Variants in COL6A6 observed in about 807,000 individuals in gnomAD.
COL6A6 encodes collagen alpha-6(VI) chain.
Under a neutral mutation model 208.6 loss-of-function variants are expected in COL6A6, and 183 were observed. The ratio of observed to expected loss-of-function variants is 0.88; its 90% CI spans 0.78 to 0.99. The LOEUF (loss-of-function observed/expected upper bound fraction) is 0.99. Among genes scored for constraint, COL6A6 ranks in the 50% least tolerant of loss-of-function variants. The pLI, the probability that COL6A6 is intolerant of heterozygous loss-of-function variation, is 0.00. For missense variants in COL6A6, 2,816 were observed against 2,815.2 expected, an observed-to-expected ratio of 1.00 and a Z score of -0.01; for synonymous variants, 973 against 1,011.8, an observed-to-expected ratio of 0.96 and a Z score of 0.73.
At chr3:130,641,359 G>A (rs533433775) in intron 28 of COL6A6, among the ~76,000 whole-genome samples, 1 of 152,200 alleles carries the variant, frequency 6.6e-6, no homozygotes, top group South Asian at 2.1e-4. Flanking sequence ...AGTTTAAAAG[G>A]TAACAGAGAA....
At chr3:130,587,754 G>A (rs2063575126) in intron 11 of COL6A6, among the ~76,000 whole-genome samples, 1 of 152,166 alleles carries the variant, frequency 6.6e-6, no homozygotes, top group African/African-American at 2.4e-5. Flanking sequence ...ATACACATAG[G>A]TATTTAAGCA....
In COL6A6 at chr3:130,563,064, G is replaced by T; in HGVS notation, c.65-4G>T. 1 of 1,594,050 alleles carries T rather than the reference G, an allele frequency of 6.3e-7. No homozygotes were observed. Among genetic ancestry groups the T allele is most frequent in the Non-Finnish European group, 8.6e-7 (1 of 1,168,692 alleles). ...GGTTCGTTCATATGTTTGTGGTTTT[G>T]CAGGCCCTGAGTATGCAGATGTTGT... On this transcript the variant is annotated splice_polypyrimidine_tract_variant and splice_region_variant and intron_variant, in intron 2 of 36. Transcript: ENST00000358511.
At chr3:130,546,098 G>A (rs1412204249) in intron 1 of COL6A6, among the ~76,000 whole-genome samples, 3 of 152,134 alleles carry the variant, frequency 2.0e-5, no homozygotes, top group Non-Finnish European at 1.5e-5. Flanking sequence ...GTCATGTTGT[G>A]TCCAAAATTC....
At position 130,574,354 on chromosome 3, in the gene COL6A6, A is replaced by G; in HGVS notation, c.3376A>G (p.Arg1126Gly). 6.2e-7 allele frequency: 1 copy of G among 1,614,028 alleles called. No individual in the cohort carries two copies. The highest frequency in any genetic ancestry group is 8.5e-7 in the Non-Finnish European group (1 of 1,179,900). ...GGTGGCCCAGGCCGCGGAAGCCCTG[A>G]GACACAGAGGTATCGACATCTACTC... ...DEVAQAAEAL[R>G]HRGIDIYSVG... The change falls in exon 8 of 37, where the codon AGA becomes GGA. Residue 1126 changes from arginine (R) to glycine (G), a missense_variant. Physicochemically the swap from Arg to Gly is moderately radical, Grantham distance 125. Transcript: ENST00000358511.
intron 10 of COL6A6, among the ~76,000 whole-genome samples, chr3:130,583,878 T>A (rs1364437726): frequency 2.0e-5 from 3 of 152,206 alleles, no homozygotes; most frequent in East Asian, 3.8e-4. Flanking sequence ...TGCTGGGCCC[T>A]ATGATCTATT....
chr3:130,545,272 A>G (rs7646823), intron 1 of COL6A6, among the ~76,000 whole-genome samples: 114,304 of 152,010 alleles, frequency 0.75, 44,287 homozygotes, highest in Non-Finnish European at 0.85. Context: ...TATTTATTGA[A>G]GAGACTATCC....
intron 8 of COL6A6, among the ~76,000 whole-genome samples, chr3:130,579,142 T>G (rs1639876820): frequency 6.6e-6 from 1 of 152,188 alleles, no homozygotes; most frequent in South Asian, 2.1e-4. Flanking sequence ...GAATCTGTCT[T>G]CTAATCTTAC....
intron 1 of COL6A6, among the ~76,000 whole-genome samples, chr3:130,537,783 A>G (rs1267986785): frequency 6.6e-6 from 1 of 152,174 alleles, no homozygotes; most frequent in Non-Finnish European, 1.5e-5. Flanking sequence ...GTATTGCTGG[A>G]CAGATTTCAG....
chr3:130,565,642 G>A, intron 4 of COL6A6, 28 bp downstream of exon 4: 1 of 1,570,994 alleles, frequency 6.4e-7, no homozygotes, highest in Non-Finnish European at 8.6e-7. Context: ...AAGAAGGGTT[G>A]TTTGGATTCT....
At position 130,592,706 on chromosome 3, in the gene COL6A6, G is replaced by A. The variant is rs779437244; in HGVS notation, c.4355G>A (p.Gly1452Glu). 8.2e-5 allele frequency: 133 copies of A among 1,612,186 alleles called. No homozygotes were observed. The highest frequency in any genetic ancestry group is 1.1e-4 in the Non-Finnish European group (129 of 1,178,740). The change falls in exon 15 of 37, where the codon GGA becomes GAA. Residue 1452 changes from glycine to glutamate, a missense_variant. Gly to Glu is a moderately conservative substitution (Grantham distance 98). Transcript: ENST00000358511. The stretch of plus-strand genomic sequence containing the variant: ...TCCTTTTATTTTCAGGGAAACAGAG[G>A]ACTAAATGGACAGGAGGTATGTTAC... ...YGTKGPKGNRGLNGQEGEVGE... is the reference protein window; with the variant it reads ...YGTKGPKGNRELNGQEGEVGE...
chr3:130,577,427 G>T (rs1425657979), intron 8 of COL6A6, among the ~76,000 whole-genome samples: 2 of 152,150 alleles, frequency 1.3e-5, no homozygotes, highest in Non-Finnish European at 2.9e-5. Flanking sequence ...TCTAAGTGTT[G>T]TGCTTCACCA....
At chr3:130,535,574 C>T (rs577778868) in intron 1 of COL6A6, among the ~76,000 whole-genome samples, 89 of 151,756 alleles carry the variant, frequency 5.9e-4, no homozygotes, top group Non-Finnish European at 8.7e-4. Flanking sequence ...ATTTTTTCTG[C>T]GCTCATCTTC....
At chr3:130,574,558 C>T (rs1197251846) in intron 8 of COL6A6, 33 bp downstream of exon 8, 2 of 1,540,366 alleles carry the variant, frequency 1.3e-6, no homozygotes, top group Non-Finnish European at 1.8e-6. Context: ...ATTCGATTCC[C>T]TACACCATCT....
chr3:130,657,872 C>T (rs1383461168), intron 33 of COL6A6, among the ~76,000 whole-genome samples: 1 of 152,202 alleles, frequency 6.6e-6, no homozygotes, highest in Non-Finnish European at 1.5e-5. Flanking sequence ...TATCATCTGA[C>T]TCATCTCTTA....
Position 130,641,684 on chromosome 3 carries a change from C to T in COL6A6, c.5124C>T (p.Ser1708=). The T allele has an allele frequency of 6.2e-7, 1 of 1,600,198 alleles. No homozygotes were observed. Among genetic ancestry groups the T allele is most frequent in the East Asian group, 2.2e-5 (1 of 44,770 alleles). The change falls in exon 29 of 37, where the codon TCC becomes TCT. Residue 1708 remains serine (S), a synonymous_variant. Transcript: ENST00000358511. ...ISAGLPGEMG[S]PGEPGPPGRK... ...CTGGGCTTCCAGGAGAGATGGGATC[C>T]CCTGGGGAACCAGGACCTCCTGGAC...
intron 6 of COL6A6, among the ~76,000 whole-genome samples, chr3:130,570,571 G>T (rs774148010): frequency 6.6e-6 from 1 of 151,864 alleles, no homozygotes; most frequent in Non-Finnish European, 1.5e-5. Flanking sequence ...ACTTGACCTC[G>T]TCCCACTCCC....
At chr3:130,642,249 G>A (rs1484913776) in intron 29 of COL6A6, among the ~76,000 whole-genome samples, 1 of 74,564 alleles carries the variant, frequency 1.3e-5, no homozygotes, top group Non-Finnish European at 3.0e-5. Flanking sequence ...TTATATGTGT[G>A]TGTGTGTGTG....
At chr3:130,557,318 C>T (rs138623153) in intron 1 of COL6A6, among the ~76,000 whole-genome samples, 383 of 152,320 alleles carry the variant, frequency 2.5e-3, no homozygotes, top group African/African-American at 8.7e-3. Context: ...CTTGCTTGTA[C>T]CACAAGTGCT....
intron 1 of COL6A6, among the ~76,000 whole-genome samples, chr3:130,524,918 A>G (rs1451443019): frequency 2.0e-5 from 3 of 152,168 alleles, no homozygotes; most frequent in African/African-American, 4.8e-5. Context: ...GGATAGAAAT[A>G]CCCTAGGGAA....
Sources: gnomAD v4.1 joint callset for allele counts (sites outside exome capture counted in the v4.1 genomes callset) on GRCh38, gnomAD v4.1.1 for gene constraint, MANE v1.5 for transcripts, NCBI Gene and HGNC (gene_info 2026-07-23, HGNC 2026-07-21) for gene names.